Variants in BPI observed in about 807,000 individuals in gnomAD.
The protein encoded by BPI is bactericidal permeability-increasing protein.
BPI carries 48 observed loss-of-function variants against 57.6 expected under a neutral mutation model. That is an observed-to-expected ratio of 0.83 (90% CI 0.66 to 1.06). The LOEUF is 1.06. Among genes scored for constraint, BPI ranks in the 50% least tolerant of loss-of-function variants. BPI has a pLI of 0.00. For synonymous variants in BPI, 237 were observed against 238.2 expected (o/e 0.99, Z 0.05); for missense variants, 651 against 609.7 (o/e 1.07, Z -0.71).
At chr20:38,323,408 T>G (rs1040153378) in intron 7 of BPI, among the ~76,000 whole-genome samples, 3 of 152,218 alleles carry the variant, frequency 2.0e-5, no homozygotes, top group African/African-American at 7.2e-5. Context: ...CACACACGAC[T>G]CTCAAAACAA....
intron 5 of BPI, among the ~76,000 whole-genome samples, chr20:38,313,301 T>G (rs1318758743): frequency 6.8e-6 from 1 of 147,358 alleles, no homozygotes; most frequent in African/African-American, 2.5e-5. Flanking sequence ...GAGAATCGCT[T>G]GAACTTGGGA....
intron 2 of BPI, among the ~76,000 whole-genome samples, chr20:38,308,701 A>AT (rs1232075287): frequency 6.6e-6 from 1 of 152,256 alleles, no homozygotes; most frequent in East Asian, 1.9e-4. Flanking sequence ...CCAAGAGTAT[A>AT]TTAAAGAGCA....
At chr20:38,304,694 A>T (rs577008875) in intron 1 of BPI, among the ~76,000 whole-genome samples, 2 of 152,050 alleles carry the variant, frequency 1.3e-5, no homozygotes, top group East Asian at 3.9e-4. Flanking sequence ...CAGCCTTGCC[A>T]TTTGCCTCTC....
chr20:38,321,515 G>C (rs1390299439), intron 7 of BPI: 1 of 151,986 alleles, frequency 6.6e-6, no homozygotes, highest in African/African-American at 2.4e-5. Flanking sequence ...TCTCCACTCA[G>C]CTGTCACTCC....
chr20:38,324,451 A>G (rs1407833963), intron 8 of BPI, among the ~76,000 whole-genome samples: 1 of 152,236 alleles, frequency 6.6e-6, no homozygotes, highest in Non-Finnish European at 1.5e-5. Context: ...CAGTCCTAGC[A>G]CCATGCTAAG....
At chr20:38,318,540 G>C in intron 6 of BPI, 64 bp downstream of exon 6, 3 of 1,564,866 alleles carry the variant, frequency 1.9e-6, no homozygotes, top group Non-Finnish European at 2.6e-6. Flanking sequence ...AGGACGTCAG[G>C]GTGGATGTGA....
At chr20:38,318,378 A>G in intron 5 of BPI, 35 bp from the exon 6 acceptor site, 1 of 1,584,026 alleles carries the variant, frequency 6.3e-7, no homozygotes. Context: ...TCACTATGGG[A>G]AGACCTTACT....
Position 38,304,182 on chromosome 20 carries a change from A to G in BPI, c.-42A>G. The G allele has an allele frequency of 6.2e-7, 1 of 1,613,114 alleles. No homozygotes were observed. The highest frequency in any genetic ancestry group is 8.5e-7 in the Non-Finnish European group (1 of 1,179,442). On this transcript the variant is annotated 5_prime_UTR_variant, in exon 1 of 15. Coordinates refer to ENST00000642449, the MANE Select transcript of BPI (RefSeq NM_001725.3). ...TTTTATAGCTCCCTGGTTCAACCTC[A>G]AGGCCTTGAGGTTTTGGCAGCTCTG...
At chr20:38,315,774 T>C (rs907358519) in intron 5 of BPI, among the ~76,000 whole-genome samples, 24 of 151,376 alleles carry the variant, frequency 1.6e-4, no homozygotes, top group Non-Finnish European at 2.7e-4. Flanking sequence ...CTTTCCTTCT[T>C]CCCTCCTTCC....
At chr20:38,334,298 T>C in intron 12 of BPI, 132 bp from the exon 13 acceptor site, 1 of 846,380 alleles carries the variant, frequency 1.2e-6, no homozygotes, top group East Asian at 2.4e-5. Flanking sequence ...CTCTCAGCAG[T>C]TTTCCCAACT....
At chr20:38,336,816 G>C (rs1278523055) in intron 14 of BPI, among the ~76,000 whole-genome samples, 1 of 152,282 alleles carries the variant, frequency 6.6e-6, no homozygotes, top group Non-Finnish European at 1.5e-5. Context: ...GAAGCAGAGA[G>C]AAGTGGTTTT....
intron 1 of BPI, 123 bp downstream of exon 1, chr20:38,304,476 GC>G: frequency 7.5e-7 from 1 of 1,336,980 alleles, no homozygotes; most frequent in Non-Finnish European, 1.0e-6. Context: ...AGGTCCCCTT[GC>G]CCCCATTTTA....
chr20:38,310,712 T>C lies in BPI; in HGVS notation c.536+60T>C. On this transcript the variant is annotated intron_variant, in intron 4 of 14. Transcript: ENST00000642449. Reference sequence around the variant, plus strand: ...ACTTAAAGAAGAACTCTCCCAATCATCCCTGTATTCCGAAAACACATCCAG... The same window carrying C: ...ACTTAAAGAAGAACTCTCCCAATCACCCCTGTATTCCGAAAACACATCCAG... 2.6e-6 allele frequency: 4 copies of C among 1,564,546 alleles called. No individual in the cohort carries two copies. In the South Asian group the frequency reaches 4.8e-5, roughly 19 times the overall value.
At chr20:38,313,145 G>T (rs1325269424) in intron 5 of BPI, among the ~76,000 whole-genome samples, 1 of 152,166 alleles carries the variant, frequency 6.6e-6, no homozygotes, top group Non-Finnish European at 1.5e-5. Context: ...AGCACTTTGG[G>T]AGGCCAAGGC....
chr20:38,305,385 C>T (rs528683274), intron 1 of BPI, among the ~76,000 whole-genome samples: 2 of 152,214 alleles, frequency 1.3e-5, no homozygotes, highest in Non-Finnish European at 2.9e-5. Flanking sequence ...CCCTTCTACC[C>T]AGGCCCCTTG....
At chr20:38,316,292 G>A (rs973540156) in intron 5 of BPI, among the ~76,000 whole-genome samples, 2 of 152,272 alleles carry the variant, frequency 1.3e-5, no homozygotes, top group Middle Eastern at 3.4e-3. Context: ...GGGTAGGGGA[G>A]GATAGAGGTG....
At chr20:38,334,312 C>T (rs1429360956) in intron 12 of BPI, 118 bp from the exon 13 acceptor site, 17 of 957,964 alleles carry the variant, frequency 1.8e-5, no homozygotes, top group Admixed American at 5.5e-5. Context: ...CCCAACTGCG[C>T]GGTTGCTGAG....
At chr20:38,314,203 TGGG>T (rs1180850990) in intron 5 of BPI, among the ~76,000 whole-genome samples, 11 of 93,100 alleles carry the variant, frequency 1.2e-4, no homozygotes, top group East Asian at 1.0e-3. Context: ...ATGGTGATGG[TGGG>T]GATGATGATG....
rs1226547976 is a variant in BPI at position 38,334,442 on chromosome 20, C to A, written c.1285C>A (p.Gln429Lys). 1 of 1,613,990 alleles carries A rather than the reference C, an allele frequency of 6.2e-7. No homozygotes were observed. Among genetic ancestry groups the A allele is most frequent in the Admixed American group, 1.7e-5 (1 of 60,016 alleles). The part of the protein sequence containing the change: ...NIGPFPVELL[Q>K]DIMNYIVPIL... ...CTCTGATTTCCAGGTTGAATTGCTG[C>A]AGGATATCATGAACTACATTGTACC... Residue 429 changes from glutamine (Q) to lysine (K), a missense_variant, in exon 13 of 15, where the codon CAG (glutamine) becomes AAG (lysine). By Grantham distance (53) the Gln-to-Lys change is moderately conservative. Transcript: ENST00000642449.
Sources: allele counts gnomAD v4.1 joint callset (sites outside exome capture counted in the v4.1 genomes callset), GRCh38; gene constraint gnomAD v4.1.1; transcripts MANE v1.5; gene names NCBI Gene and HGNC (gene_info 2026-07-23, HGNC 2026-07-21).